The following KIAA0319L variants were observed in gnomAD, a reference collection of about 807,000 sequenced individuals.
KIAA0319L encodes the protein dyslexia-associated protein KIAA0319-like protein.
KIAA0319L carries 55 observed loss-of-function variants against 120.1 expected under a neutral mutation model. The ratio of observed to expected loss-of-function variants is 0.46; its 90% CI spans 0.37 to 0.57. The LOEUF (loss-of-function observed/expected upper bound fraction) is 0.57. KIAA0319L is among the 20% of genes least tolerant of loss of function. The pLI, the probability that KIAA0319L is intolerant of heterozygous loss-of-function variation, is 0.00. For missense variants in KIAA0319L, 1,049 were observed against 1,255.3 expected (o/e 0.84, Z 2.48); for synonymous variants, 398 against 471.9 (o/e 0.84, Z 2.03).
chr1:35,485,354 T>G (rs760484264), intron 3 of KIAA0319L, among the ~76,000 whole-genome samples: 9 of 152,172 alleles, frequency 5.9e-5, no homozygotes, highest in Non-Finnish European at 1.3e-4. Context: ...GCCTGCATCA[T>G]TTAGTAGTCA....
At chr1:35,455,009 G>C (rs147566511) in intron 10 of KIAA0319L, among the ~76,000 whole-genome samples, 1 of 152,114 alleles carries the variant, frequency 6.6e-6, no homozygotes, top group Non-Finnish European at 1.5e-5. Context: ...ACAAAAGTCA[G>C]GTAAAATGGA....
At chr1:35,460,736 C>A (rs866858894) in intron 8 of KIAA0319L, among the ~76,000 whole-genome samples, 24 of 152,188 alleles carry the variant, frequency 1.6e-4, no homozygotes, top group Admixed American at 5.2e-4. Flanking sequence ...CCCAACCTCA[C>A]TTAAAAGAAA....
intron 3 of KIAA0319L, among the ~76,000 whole-genome samples, chr1:35,503,068 G>A (rs1645066380): frequency 6.6e-6 from 1 of 151,854 alleles, no homozygotes; most frequent in Non-Finnish European, 1.5e-5. Flanking sequence ...CCTTCACGAT[G>A]GCTATTTTAG....
chr1:35,436,218 C>T (rs972960831), intron 20 of KIAA0319L, among the ~76,000 whole-genome samples: 2 of 152,174 alleles, frequency 1.3e-5, no homozygotes, highest in South Asian at 2.1e-4. Context: ...GGCAGTGCCC[C>T]GAGCTCTCCA....
chr1:35,550,129 A>G (rs1156988286), intron 2 of KIAA0319L, among the ~76,000 whole-genome samples: 2 of 152,258 alleles, frequency 1.3e-5, no homozygotes, highest in African/African-American at 2.4e-5. Context: ...ATTGTAATCA[A>G]TGCTTTCTAA....
At chr1:35,500,106 C>T (rs927899685) in intron 3 of KIAA0319L, among the ~76,000 whole-genome samples, 14 of 152,142 alleles carry the variant, frequency 9.2e-5, no homozygotes, top group South Asian at 2.1e-4. Flanking sequence ...AACAGGGAGA[C>T]GATGCTGTTA....
In KIAA0319L at chr1:35,435,072, T is replaced by C. The variant is rs558681201; in HGVS notation, c.2972A>G (p.Gln991Arg). 6.2e-7 allele frequency: 1 copy of C among 1,614,028 alleles called. No individual in the cohort carries two copies. Among genetic ancestry groups the C allele is most frequent in the South Asian group, 1.1e-5 (1 of 91,058 alleles). Residue 991 changes from glutamine to arginine, a missense_variant, in exon 21 of 21, where the codon CAG (glutamine) becomes CGG (arginine). By Grantham distance (43) the Gln-to-Arg change is conservative. Coordinates refer to ENST00000325722, the MANE Select transcript of KIAA0319L (RefSeq NM_024874.5). ...GCTGCTACTTAGCAAAAGGCCTTTC[T>C]GTTTGATGCCTGCAGGGAAAACAAG... The part of the protein sequence containing the change: ...LKPTSRAGIK[Q>R]KGLLLSSSLM...
rs746124708 is a variant in KIAA0319L, at chr1:35,450,407, C to A, written c.2165G>T (p.Gly722Val). The A allele has an allele frequency of 8.1e-6, 13 of 1,614,134 alleles. No individual in the cohort carries two copies. The highest frequency in any genetic ancestry group is 1.1e-5 in the Non-Finnish European group (13 of 1,179,996). The change falls in exon 14 of 21, where the codon GGA (glycine) becomes GTA (valine). Residue 722 changes from glycine (G) to valine (V), a missense_variant. Coordinates refer to ENST00000325722, the MANE Select transcript of KIAA0319L (RefSeq NM_024874.5). ...LDGSKSSDDK[G>V]IVSYLWTRDE... is the part of the protein sequence containing the mutation. ...TCGAGTCCAGAGGTAGCTGACTATT[C>A]CCTTGTCATCTGAGGACTTAGAGCC...
intron 4 of KIAA0319L, among the ~76,000 whole-genome samples, chr1:35,475,719 C>T (rs896038384): frequency 6.6e-5 from 10 of 152,186 alleles, no homozygotes; most frequent in Admixed American, 3.3e-4. Flanking sequence ...CCTAAAACAA[C>T]CAACACCATT....
At chr1:35,540,333 A>G (rs1349536320) in intron 2 of KIAA0319L, among the ~76,000 whole-genome samples, 1 of 152,214 alleles carries the variant, frequency 6.6e-6, no homozygotes, top group Non-Finnish European at 1.5e-5. Context: ...AGATTTATAT[A>G]ATTGGTGCTT....
intron 2 of KIAA0319L, among the ~76,000 whole-genome samples, chr1:35,554,050 A>C (rs1647565693): frequency 6.6e-6 from 1 of 152,352 alleles, no homozygotes; most frequent in South Asian, 2.1e-4. Flanking sequence ...CCTCAAAGAT[A>C]ATAGGTAATT....
chr1:35,520,122 A>T (rs1172348891), intron 2 of KIAA0319L, among the ~76,000 whole-genome samples: 7 of 146,352 alleles, frequency 4.8e-5, no homozygotes, highest in African/African-American at 1.8e-4. Context: ...TTTTTTTTTG[A>T]GACGGAGTCT....
At chr1:35,545,371 C>G (rs1368316693) in intron 2 of KIAA0319L, among the ~76,000 whole-genome samples, 1 of 152,172 alleles carries the variant, frequency 6.6e-6, no homozygotes, top group Non-Finnish European at 1.5e-5. Context: ...CTCTGAACCT[C>G]TCCTCACAAA....
At chr1:35,447,531 C>T (rs1432808291) in intron 16 of KIAA0319L, among the ~76,000 whole-genome samples, 1 of 151,912 alleles carries the variant, frequency 6.6e-6, no homozygotes, top group African/African-American at 2.4e-5. Flanking sequence ...TCCCCATCCT[C>T]CCATGCCTGG....
chr1:35,556,089 G>A (rs921200641), intron 1 of KIAA0319L, among the ~76,000 whole-genome samples: 1 of 152,178 alleles, frequency 6.6e-6, no homozygotes, highest in Non-Finnish European at 1.5e-5. Context: ...GTTTGTTACT[G>A]AATCAAAGGG....
intron 3 of KIAA0319L, among the ~76,000 whole-genome samples, chr1:35,501,004 G>A (rs1056477054): frequency 2.0e-5 from 3 of 150,890 alleles, no homozygotes; most frequent in African/African-American, 7.3e-5. Context: ...TAATGCCTCC[G>A]TGCAACACTG....
chr1:35,513,286 ATATT>A lies in KIAA0319L; in HGVS notation c.143-6155_143-6152del, dbSNP rs1321789287. 4.8e-3 allele frequency among the ~76,000 whole-genome samples: 490 copies of A among 102,616 alleles called. 2 individuals carry two copies. Among genetic ancestry groups the A allele is most frequent in the Middle Eastern group, 0.027 (5 of 182 alleles). 67.3% of individuals were successfully genotyped at this position (102,616 alleles called of 152,430 possible). On this transcript the variant is annotated intron_variant, in intron 2 of 20. Coordinates refer to ENST00000325722, the MANE Select transcript of KIAA0319L (RefSeq NM_024874.5). ...ATATAACATATATATATATATATAT[ATATT>A]TTTTTTTTTTTTTTTTTCTGTCCAG...
At chr1:35,498,986 CA>C (rs1644907452) in intron 3 of KIAA0319L, among the ~76,000 whole-genome samples, 1 of 152,174 alleles carries the variant, frequency 6.6e-6, no homozygotes, top group South Asian at 2.1e-4. Context: ...CACCACATCC[CA>C]ATTCTCAGCA....
intron 2 of KIAA0319L, among the ~76,000 whole-genome samples, chr1:35,551,892 G>T (rs1647226758): frequency 6.6e-6 from 1 of 152,158 alleles, no homozygotes; most frequent in Non-Finnish European, 1.5e-5. Context: ...TAAGCACCAA[G>T]CTCAAGGTTA....
Sources: allele counts gnomAD v4.1 joint callset (sites outside exome capture counted in the v4.1 genomes callset), GRCh38; gene constraint gnomAD v4.1.1; transcripts MANE v1.5; gene names NCBI Gene and HGNC (gene_info 2026-07-23, HGNC 2026-07-21).